Variants in KLHL20 observed in about 807,000 individuals in gnomAD.
KLHL20 encodes kelch like family member 20.
Under a neutral mutation model 69.5 loss-of-function variants are expected in KLHL20, and 29 were observed. That is an observed-to-expected ratio of 0.42 (90% CI 0.31 to 0.57). The LOEUF (loss-of-function observed/expected upper bound fraction) is 0.57. KLHL20 is among the 20% of genes least tolerant of loss of function. KLHL20 has a pLI of 0.18. For synonymous variants in KLHL20, 253 were observed against 265.2 expected (o/e 0.95, Z 0.45); for missense variants, 419 against 776.0 (o/e 0.54, Z 5.47).
intron 2 of KLHL20, among the ~76,000 whole-genome samples, chr1:173,726,747 G>C (rs558386867): frequency 3.2e-4 from 49 of 152,280 alleles, no homozygotes; most frequent in South Asian, 1.5e-3. Context: ...AACCCCATCT[G>C]TACGTCACCA....
intron 2 of KLHL20, among the ~76,000 whole-genome samples, chr1:173,731,422 G>C (rs1303696142): frequency 6.6e-6 from 1 of 152,124 alleles, no homozygotes; most frequent in Non-Finnish European, 1.5e-5. Flanking sequence ...GCACACGTAT[G>C]TTCATTGTGG....
Position 173,722,665 on chromosome 1 carries a change from AT to A in KLHL20, c.23+6601del, listed in dbSNP as rs201128419. 1.6e-3 allele frequency among the ~76,000 whole-genome samples: 241 copies of A among 149,992 alleles called. 5 individuals carry two copies. In the East Asian group the frequency reaches 0.038, roughly 23 times the overall value. On this transcript the variant is annotated intron_variant, in intron 2 of 11. Transcript: ENST00000209884. Reference sequence around the variant, plus strand: ...ACTATACTGATGCAGTAATAAGAGCATTATTTTTTTTTGCTATGGTAATTTT... The same window carrying A: ...ACTATACTGATGCAGTAATAAGAGCATATTTTTTTTTGCTATGGTAATTTT...
chr1:173,766,836 GTT>G, intron 8 of KLHL20, among the ~76,000 whole-genome samples: 1 of 152,202 alleles, frequency 6.6e-6, no homozygotes, highest in African/African-American at 2.4e-5. Context: ...ACAGCATGAT[GTT>G]TTGAAATATG....
At chr1:173,721,611 G>C (rs147496309) in intron 2 of KLHL20, among the ~76,000 whole-genome samples, 1 of 152,190 alleles carries the variant, frequency 6.6e-6, no homozygotes, top group Non-Finnish European at 1.5e-5. Context: ...TCTTGGTCTC[G>C]ATCACTGGAC....
chr1:173,784,699 T>C (rs1649093696), intron 11 of KLHL20, among the ~76,000 whole-genome samples: 1 of 152,182 alleles, frequency 6.6e-6, no homozygotes, highest in African/African-American at 2.4e-5. Context: ...TTTTGTTCTA[T>C]AAAGGACTTG....
At position 173,715,988 on chromosome 1, in the gene KLHL20, T is replaced by C. The variant is rs1351295714; in HGVS notation, c.-41-15T>C. 4 of 1,574,404 alleles carry C rather than the reference T, an allele frequency of 2.5e-6. No individual in the cohort carries two copies. Among genetic ancestry groups the C allele is most frequent in the Non-Finnish European group, 3.5e-6 (4 of 1,152,266 alleles). ...AAATAGCTTTTATTAAGTTCCTGCT[T>C]TTCTGTTGTCTTAGGTTCGGCTTTA... On this transcript the variant is annotated splice_polypyrimidine_tract_variant and intron_variant, in intron 1 of 11. Coordinates refer to ENST00000209884, the MANE Select transcript of KLHL20 (RefSeq NM_014458.4).
chr1:173,720,970 A>G (rs111504839), intron 2 of KLHL20, among the ~76,000 whole-genome samples: 2,078 of 147,502 alleles, frequency 0.014, 47 homozygotes, highest in African/African-American at 0.046. Flanking sequence ...CTAGAAATTT[A>G]AAAAAAAAAA....
chr1:173,733,052 C>G (rs1022381692), intron 2 of KLHL20, among the ~76,000 whole-genome samples: 1 of 133,334 alleles, frequency 7.5e-6, no homozygotes, highest in African/African-American at 2.9e-5. Flanking sequence ...GAGACAGAGT[C>G]TCTGTCACCC....
intron 4 of KLHL20, among the ~76,000 whole-genome samples, chr1:173,752,449 A>T (rs1481156735): frequency 2.0e-5 from 3 of 152,204 alleles, no homozygotes; most frequent in Non-Finnish European, 4.4e-5. Flanking sequence ...CTTTTGAATG[A>T]TAGCACAATT....
At chr1:173,742,712 G>T (rs1157867017) in intron 3 of KLHL20, among the ~76,000 whole-genome samples, 2 of 149,944 alleles carry the variant, frequency 1.3e-5, no homozygotes, top group Middle Eastern at 3.2e-3. Context: ...ATATACATAT[G>T]TACACATGTA....
At chr1:173,738,947 T>C (rs1414349998) in intron 3 of KLHL20, among the ~76,000 whole-genome samples, 1 of 152,182 alleles carries the variant, frequency 6.6e-6, no homozygotes, top group African/African-American at 2.4e-5. Context: ...TACTGGTCTG[T>C]AGTTTTGTTT....
chr1:173,782,464 A>C (rs1312631426), intron 11 of KLHL20, among the ~76,000 whole-genome samples: 3 of 152,104 alleles, frequency 2.0e-5, no homozygotes, highest in Non-Finnish European at 4.4e-5. Flanking sequence ...TGGGTAAAAT[A>C]GGGAAAAAAA....
At chr1:173,753,072 C>T (rs1673383392) in intron 4 of KLHL20, 141 bp from the exon 5 acceptor site, 1 of 610,974 alleles carries the variant, frequency 1.6e-6, no homozygotes, top group Admixed American at 2.8e-5. Context: ...ACTCTGGAGG[C>T]TGAGGTAGGC....
At chr1:173,735,450 CAA>C (rs60081642) in intron 3 of KLHL20, among the ~76,000 whole-genome samples, 41 of 107,894 alleles carry the variant, frequency 3.8e-4, no homozygotes, top group Admixed American at 5.0e-4. Flanking sequence ...GACCCTATCT[CAA>C]AAAAAAAAAA....
Position 173,734,156 on chromosome 1 carries a change from C to T in KLHL20, c.467C>T (p.Ala156Val). 2 of 1,614,188 alleles carry T rather than the reference C, an allele frequency of 1.2e-6. No individual in the cohort carries two copies. The highest frequency in any genetic ancestry group is 1.6e-4 in the Middle Eastern group (1 of 6,062). ...CTCCAGCTGGCAGAAATACAGGAAG[C>T]CTGCTGTGAATTCTTAAAGAGACAA... ...CLLQLAEIQE[A>V]CCEFLKRQLD... Residue 156 changes from alanine (A) to valine (V), a missense_variant, in exon 3 of 12, where the codon GCC becomes GTC. Transcript: ENST00000209884.
chr1:173,727,135 G>T (rs1323276416), intron 2 of KLHL20, among the ~76,000 whole-genome samples: 2 of 151,702 alleles, frequency 1.3e-5, no homozygotes, highest in African/African-American at 4.8e-5. Context: ...TCAACTAGAA[G>T]AAAGGGTATC....
intron 2 of KLHL20, among the ~76,000 whole-genome samples, chr1:173,725,772 C>A (rs978867589): frequency 2.0e-5 from 3 of 152,170 alleles, no homozygotes; most frequent in Non-Finnish European, 4.4e-5. Flanking sequence ...AACGAGGAGC[C>A]AAGATGGCCG....
At position 173,755,265 on chromosome 1, in the gene KLHL20, G is replaced by A. The variant is rs550370082; in HGVS notation, c.852-658G>A. Among the ~76,000 whole-genome samples the A allele has an allele frequency of 1.4e-4, 22 of 152,064 alleles. 1 individual carries two copies. Among genetic ancestry groups the A allele is most frequent in the African/African-American group, 5.1e-4 (21 of 41,490 alleles). ...GTAGAGACGGGGTTTCACCATATTG[G>A]CCAGGATGGTCTCAATCTCTTGACC... On this transcript the variant is annotated intron_variant, in intron 5 of 11. Transcript: ENST00000209884.
intron 3 of KLHL20, chr1:173,742,067 A>G: frequency 2.4e-6 from 1 of 412,042 alleles, no homozygotes. Context: ...CAAACCGATG[A>G]CCTAACAGAA....
Sources: allele counts gnomAD v4.1 joint callset (sites outside exome capture counted in the v4.1 genomes callset), GRCh38; gene constraint gnomAD v4.1.1; transcripts MANE v1.5; gene names NCBI Gene and HGNC (gene_info 2026-07-23, HGNC 2026-07-21).